ERG28: variants seen among roughly 807,000 people sequenced by gnomAD.
The protein encoded by ERG28 is ergosterol biosynthesis 28 homolog.
Under a neutral mutation model 15.7 loss-of-function variants are expected in ERG28, and 9 were observed. That is an observed-to-expected ratio of 0.57 (90% confidence interval 0.35 to 1.00). The LOEUF (loss-of-function observed/expected upper bound fraction) is 1.00, where lower values mean the gene tolerates loss of function less well. Ranked by LOEUF, ERG28 falls within the 50% of genes least tolerant of loss-of-function variation. The probability of loss-of-function intolerance (pLI) is 0.02; values close to 1 mark genes in which losing one functional copy is unlikely to be tolerated. For synonymous variants in ERG28, 61 were observed against 68.4 expected, an observed-to-expected ratio of 0.89 and a Z score of 0.53; for missense variants, 117 against 173.3, an observed-to-expected ratio of 0.68 and a Z score of 1.82.
In ERG28 at chr14:75,651,644, A is replaced by G; in HGVS notation, c.344-10T>C. 6.2e-7 allele frequency: 1 copy of G among 1,611,774 alleles called. No homozygotes were observed. Among genetic ancestry groups the G allele is most frequent in the Non-Finnish European group, 8.5e-7 (1 of 1,177,870 alleles). ...CCCAGGATGGAGAAACCTTAAATAC[A>G]GAGGAAAGACTAGTGACTAACATAC... On this transcript the variant is annotated splice_polypyrimidine_tract_variant and intron_variant, in intron 4 of 4. Transcript: ENST00000256319.
At chr14:75,660,503 T>C (rs1344942593) in intron 1 of ERG28, among the ~76,000 whole-genome samples, 1 of 152,156 alleles carries the variant, frequency 6.6e-6, no homozygotes, top group East Asian at 1.9e-4. Context: ...TTGTAAGAAT[T>C]ATATGACAAA....
chr14:75,651,992 T>A, intron 3 of ERG28, 103 bp from the exon 4 acceptor site: 2 of 1,025,738 alleles, frequency 1.9e-6, no homozygotes, highest in East Asian at 2.4e-5. Flanking sequence ...AGGATGTCAT[T>A]AAGACTTAAA....
In ERG28 at chr14:75,650,333, A is replaced by C. The variant is rs1459128745; in HGVS notation, c.*1222T>G. The C allele has an allele frequency of 6.6e-6, 1 of 152,226 alleles. No homozygotes were observed. Among genetic ancestry groups the C allele is most frequent in the Non-Finnish European group, 1.5e-5 (1 of 68,070 alleles). 9.4% of individuals were successfully genotyped at this position (152,226 alleles called of 1,614,324 possible). On this transcript the variant is annotated 3_prime_UTR_variant, in exon 5 of 5. Coordinates refer to ENST00000256319, the MANE Select transcript of ERG28 (RefSeq NM_007176.4). ...TGTTGATTCTGTTACCTTGACTATA[A>C]TATAAGGCCCACAGGGCAGGGGCAT... is the stretch of plus-strand genomic sequence containing the variant.
intron 3 of ERG28, among the ~76,000 whole-genome samples, chr14:75,652,769 C>A (rs919076407): frequency 3.3e-5 from 5 of 149,966 alleles, no homozygotes; most frequent in African/African-American, 1.2e-4. Context: ...CCACAAGTAA[C>A]TGGTATCTTA....
rs766986300 is a variant in ERG28, at chr14:75,651,850, C to A, written c.264G>T (p.Leu88=). Residue 88 remains leucine (L), a synonymous_variant, in exon 4 of 5, where the codon CTG becomes CTT. Transcript: ENST00000256319. ...HITLWTFLLA[L]GHFLSELFVY... is the part of the protein sequence containing the mutation. ...CAAACAACTCAGAGAGGAAATGCCC[C>A]AGGGCAAGGAGGAAGGTCCAGAGTG... 5.6e-6 allele frequency: 9 copies of A among 1,613,972 alleles called. No homozygotes were observed. In the Admixed American group the frequency reaches 1.0e-4, roughly 18 times the overall value.
At position 75,650,717 on chromosome 14, in the gene ERG28, A is replaced by AC. The variant is rs1566801363; in HGVS notation, c.*837_*838insG. 1 of 145,330 alleles carries AC rather than the reference A, an allele frequency of 6.9e-6. No homozygotes were observed. The allele number at this position is 145,330 out of a possible 1,614,324, so 9.0% of individuals were successfully genotyped here. On this transcript the variant is annotated 3_prime_UTR_variant, in exon 5 of 5. Coordinates refer to ENST00000256319, the MANE Select transcript of ERG28 (RefSeq NM_007176.4). ...GAAAAAAGAAGATTTGACTTCAAGA[A>AC]TACAAGAGGAATGAGCAAATGACAG...
intron 1 of ERG28, among the ~76,000 whole-genome samples, chr14:75,659,149 C>G (rs1200981097): frequency 6.6e-6 from 1 of 152,074 alleles, no homozygotes; most frequent in Non-Finnish European, 1.5e-5. Context: ...AGAGGTTAAA[C>G]AAGTTTCTTA....
chr14:75,656,712 C>A (rs747634594), intron 2 of ERG28, among the ~76,000 whole-genome samples: 12 of 152,220 alleles, frequency 7.9e-5, no homozygotes, highest in Admixed American at 1.3e-4. Context: ...GAAGTGGAAG[C>A]TGAAATGGAC....
Position 75,650,926 on chromosome 14 carries a change from G to C in ERG28, c.*629C>G, listed in dbSNP as rs1305406933. The C allele has an allele frequency of 6.6e-6, 1 of 152,616 alleles. No homozygotes were observed. Among genetic ancestry groups the C allele is most frequent in the South Asian group, 2.1e-4 (1 of 4,850 alleles). 9.5% of individuals were successfully genotyped at this position (152,616 alleles called of 1,614,324 possible). Reference sequence around the variant, plus strand: ...GAGGGTTTTTCTATTTATTACAAAAGTTGTTACACAAATACAGCTGACCAG... The same window carrying C: ...GAGGGTTTTTCTATTTATTACAAAACTTGTTACACAAATACAGCTGACCAG... On this transcript the variant is annotated 3_prime_UTR_variant, in exon 5 of 5. Transcript: ENST00000256319.
chr14:75,651,314 C>A lies in ERG28; in HGVS notation c.*241G>T. 1 of 338,706 alleles carries A rather than the reference C, an allele frequency of 3.0e-6. No homozygotes were observed. The highest frequency in any genetic ancestry group is 5.4e-6 in the Non-Finnish European group (1 of 186,806). The allele number at this position is 338,706 out of a possible 1,614,324, so 21.0% of individuals were successfully genotyped here. A position where few individuals can be genotyped will look rare whatever the true frequency, so the allele number is the denominator to read the frequency against. ...ACACAGTGGGCTTCCGAGAAGCTGG[C>A]AATTTCTTGACTTGGATGGAGTTAC... On this transcript the variant is annotated 3_prime_UTR_variant, in exon 5 of 5. Transcript: ENST00000256319.
intron 2 of ERG28, among the ~76,000 whole-genome samples, chr14:75,656,278 G>C (rs1391996798): frequency 1.2e-5 from 1 of 82,530 alleles, no homozygotes; most frequent in Non-Finnish European, 2.7e-5. Flanking sequence ...CGTGCTGGCT[G>C]AACACACACA....
At chr14:75,655,029 T>A in intron 2 of ERG28, 53 bp from the exon 3 acceptor site, 1 of 1,510,750 alleles carries the variant, frequency 6.6e-7, no homozygotes, top group Non-Finnish European at 9.2e-7. Flanking sequence ...TGAGGTTCCT[T>A]CCAAACTCCT....
At chr14:75,653,950 T>TA (rs11482151) in intron 3 of ERG28, among the ~76,000 whole-genome samples, 134,561 of 149,608 alleles carry the variant, frequency 0.9, 60,584 homozygotes, top group South Asian at 0.94. Context: ...GAAAAAAAAT[T>TA]AAAAAAAAAA....
In ERG28 at chr14:75,651,469, G is replaced by C. The variant is rs1020084195; in HGVS notation, c.*86C>G. On this transcript the variant is annotated 3_prime_UTR_variant, in exon 5 of 5. Transcript: ENST00000256319. ...GAATAAAAGGGCAGATGATGGAATA[G>C]AAAAGAAATTAAAGAGGAGAGACGA... 1 of 1,331,656 alleles carries C rather than the reference G, an allele frequency of 7.5e-7. No individual in the cohort carries two copies. Among genetic ancestry groups the C allele is most frequent in the Admixed American group, 2.0e-5 (1 of 49,938 alleles). The allele number at this position is 1,331,656 out of a possible 1,614,324, so 82.5% of individuals were successfully genotyped here.
chr14:75,658,895 T>G (rs1255220802), intron 1 of ERG28, among the ~76,000 whole-genome samples: 1 of 152,148 alleles, frequency 6.6e-6, no homozygotes, highest in Non-Finnish European at 1.5e-5. Context: ...CTCTTTTCCT[T>G]TTTTCCAAAT....
intron 2 of ERG28, 42 bp from the exon 3 acceptor site, chr14:75,655,018 T>C: frequency 6.4e-7 from 1 of 1,562,570 alleles, no homozygotes; most frequent in Non-Finnish European, 8.8e-7. Context: ...AAGGGGAGAC[T>C]TGAGGTTCCT....
intron 2 of ERG28, among the ~76,000 whole-genome samples, chr14:75,656,655 C>T (rs2140065025): frequency 1.3e-5 from 2 of 152,310 alleles, no homozygotes; most frequent in South Asian, 4.1e-4. Context: ...TTGTCATCTG[C>T]TGTGAAACAG....
intron 3 of ERG28, among the ~76,000 whole-genome samples, chr14:75,653,590 A>G (rs1890557765): frequency 6.6e-6 from 1 of 151,482 alleles, no homozygotes; most frequent in South Asian, 2.1e-4. Context: ...CTTGGGTGAC[A>G]GAGCAAGACT....
intron 3 of ERG28, among the ~76,000 whole-genome samples, chr14:75,654,296 C>T (rs76484152): frequency 0.016 from 2,402 of 152,264 alleles, 82 homozygotes; most frequent in African/African-American, 0.055. Flanking sequence ...ATGATGACTC[C>T]CGCTGGGAAG....
Sources: allele counts gnomAD v4.1 joint callset (sites outside exome capture counted in the v4.1 genomes callset), GRCh38; gene constraint gnomAD v4.1.1; transcripts MANE v1.5; gene names NCBI Gene and HGNC (gene_info 2026-07-23, HGNC 2026-07-21).